Variants in MYRF observed in about 807,000 individuals in gnomAD.
MYRF encodes the protein myelin gene regulatory factor.
In MYRF, 16 loss-of-function variants were observed where a neutral mutation model predicts 126.3. That is an observed-to-expected ratio of 0.13 (90% CI 0.09 to 0.19). The LOEUF (loss-of-function observed/expected upper bound fraction) is 0.19, where lower values mean the gene tolerates loss of function less well. MYRF is among the 10% of genes least tolerant of loss of function. The pLI is 1.00. For synonymous variants in MYRF, 608 were observed against 635.3 expected, an observed-to-expected ratio of 0.96 and a Z score of 0.65; for missense variants, 1,104 against 1,547.0, an observed-to-expected ratio of 0.71 and a Z score of 4.80.
Position 61,757,098 on chromosome 11 carries a change from T to C in MYRF, c.46+4308T>C, listed in dbSNP as rs1197332641. On this transcript the variant is annotated intron_variant, in intron 1 of 26. Transcript: ENST00000278836. The surrounding 1 kb of genome is among the most constrained non-coding windows in gnomAD (Gnocchi z 4.7). ...CCTGCCTTACCTTCCCACCTTCCTC[T>C]TCACGGACCTAGCACCTTCCTGGGC... 13 of 444,720 alleles carry C rather than the reference T, an allele frequency of 2.9e-5. No individual in the cohort carries two copies. Among genetic ancestry groups the C allele is most frequent in the Non-Finnish European group, 5.5e-5 (12 of 217,552 alleles). The allele number at this position is 444,720 out of a possible 1,614,324, so 27.5% of individuals were successfully genotyped here. A position where few individuals can be genotyped will look rare whatever the true frequency, so the allele number is the denominator to read the frequency against.
At chr11:61,753,316 A>C (rs558909548) in intron 1 of MYRF, among the ~76,000 whole-genome samples, 1 of 145,844 alleles carries the variant, frequency 6.9e-6, no homozygotes, top group Non-Finnish European at 1.5e-5. Context: ...GCCATCCCCC[A>C]TGACTTCTAG....
At position 61,778,163 on chromosome 11, in the gene MYRF, G is replaced by A. The variant is rs575899953; in HGVS notation, c.1904-217G>A. Among the ~76,000 whole-genome samples the A allele has an allele frequency of 1.3e-4, 19 of 151,932 alleles. 1 individual carries two copies. Among genetic ancestry groups the A allele is most frequent in the Admixed American group, 3.9e-4 (6 of 15,270 alleles). On this transcript the variant is annotated intron_variant, in intron 13 of 26. Coordinates refer to ENST00000278836, the MANE Select transcript of MYRF (RefSeq NM_001127392.3). The surrounding 1 kb of genome is among the most constrained non-coding windows in gnomAD (Gnocchi z 4.6). ...CTGGGATCCTTACCCCCAGGAATCC[G>A]CCCCACCCCAGCCCAGGAACCTCAC...
chr11:61,762,858 C>T (rs981980747), intron 1 of MYRF, among the ~76,000 whole-genome samples: 1 of 152,204 alleles, frequency 6.6e-6, no homozygotes, highest in Non-Finnish European at 1.5e-5. Flanking sequence ...TCCCTCCTCC[C>T]GCCTCCTTCC....
chr11:61,780,979 A>T lies in MYRF; in HGVS notation c.2506A>T (p.Thr836Ser), dbSNP rs772485309. The change falls in exon 20 of 27, where the codon ACC (threonine) becomes TCC (serine). Residue 836 changes from threonine (T) to serine (S), a missense_variant. By Grantham distance (58) the Thr-to-Ser change is moderately conservative. Around this residue, in one of 10 missense-constraint regions of MYRF, gnomAD observed 323 missense variants for 383.1 expected, o/e 0.84. Transcript: ENST00000278836. ...LCPWSSQSFG[T>S]TQLRQSPLTT... is the part of the protein sequence containing the mutation. ...CAGCAGGTCCAGCCAGAGCTTTGGG[A>T]CCACGCAGCTCCGACAGTCCCCCTT... The T allele has an allele frequency of 6.2e-7, 1 of 1,609,952 alleles. No homozygotes were observed. Among genetic ancestry groups the T allele is most frequent in the East Asian group, 2.2e-5 (1 of 44,860 alleles).
In MYRF at chr11:61,781,049, C is replaced by G; in HGVS notation, c.2572+4C>G. 6.2e-7 allele frequency: 1 copy of G among 1,609,844 alleles called. No individual in the cohort carries two copies. Among genetic ancestry groups the G allele is most frequent in the Non-Finnish European group, 8.5e-7 (1 of 1,179,984 alleles). ...ATACAGCCCTCTTTGCTGCTGGGTGCGTGTCTGGGCAGGTCTGGGTAGGAC... is the reference window on the plus strand; with the variant it reads ...ATACAGCCCTCTTTGCTGCTGGGTGGGTGTCTGGGCAGGTCTGGGTAGGAC... On this transcript the variant is annotated splice_donor_region_variant and intron_variant, in intron 20 of 26. Transcript: ENST00000278836.
intron 4 of MYRF, 111 bp from the exon 5 acceptor site, chr11:61,770,135 G>T (rs933051275): frequency 9.0e-6 from 10 of 1,114,020 alleles, no homozygotes; most frequent in Non-Finnish European, 1.2e-5. Flanking sequence ...GGCAGCCCCC[G>T]GGCTTGGCTC....
chr11:61,758,746 C>T (rs550078755), intron 1 of MYRF, among the ~76,000 whole-genome samples: 3 of 152,348 alleles, frequency 2.0e-5, no homozygotes, highest in South Asian at 4.1e-4. Context: ...TTGCTGCTCT[C>T]GTCATCTGAC....
chr11:61,769,391 G>C, intron 4 of MYRF, 70 bp downstream of exon 4: 1 of 1,249,568 alleles, frequency 8.0e-7, no homozygotes. Context: ...TTATCAGGGA[G>C]GTAGGGGAGG....
At chr11:61,779,722 C>T (rs2066487320) in intron 16 of MYRF, 120 bp from the exon 17 acceptor site, 1 of 1,211,458 alleles carries the variant, frequency 8.3e-7, no homozygotes, top group African/African-American at 1.5e-5. Context: ...CTTTCTTCTC[C>T]CTTTGCCCCC....
At chr11:61,784,502 C>A (rs1482269252) in intron 25 of MYRF, 117 bp downstream of exon 25, 12 of 789,276 alleles carry the variant, frequency 1.5e-5, no homozygotes, top group Admixed American at 5.0e-5. Flanking sequence ...AAAGCCTTCT[C>A]CACAAGGGAC....
At chr11:61,767,426 A>C (rs749830970) in intron 3 of MYRF, 12 of 456,452 alleles carry the variant, frequency 2.6e-5, no homozygotes, top group Non-Finnish European at 5.3e-5. Context: ...TGGCACACTG[A>C]GGCTCAGAGA....
chr11:61,763,758 G>C (rs531398677), intron 1 of MYRF, among the ~76,000 whole-genome samples: 1 of 152,076 alleles, frequency 6.6e-6, no homozygotes, highest in Non-Finnish European at 1.5e-5. Context: ...TCAGCTACTC[G>C]GGAGGCTGAG....
At chr11:61,775,490 CTA>C (rs2066351971) in intron 8 of MYRF, among the ~76,000 whole-genome samples, 2 of 152,182 alleles carry the variant, frequency 1.3e-5, no homozygotes, top group African/African-American at 4.8e-5. Context: ...GATTTTGAGT[CTA>C]TGAGCTCCCT....
chr11:61,781,500 G>A, intron 21 of MYRF, 73 bp from the exon 22 acceptor site: 2 of 1,564,856 alleles, frequency 1.3e-6, no homozygotes, highest in Non-Finnish European at 1.7e-6. Flanking sequence ...TCAGTCTTGT[G>A]GGGCCCTAGA....
At position 61,757,091 on chromosome 11, in the gene MYRF, C is replaced by T. The variant is rs1262686603; in HGVS notation, c.46+4301C>T. 2.3e-6 allele frequency: 1 copy of T among 440,450 alleles called. No homozygotes were observed. Among genetic ancestry groups the T allele is most frequent in the Non-Finnish European group, 4.7e-6 (1 of 214,588 alleles). The allele number at this position is 440,450 out of a possible 1,614,324, so 27.3% of individuals were successfully genotyped here. A position where few individuals can be genotyped will look rare whatever the true frequency, so the allele number is the denominator to read the frequency against. On this transcript the variant is annotated intron_variant, in intron 1 of 26. Coordinates refer to ENST00000278836, the MANE Select transcript of MYRF (RefSeq NM_001127392.3). This position sits in a 1 kb window ranked among gnomAD's most constrained non-coding sequence, Gnocchi z 4.7. ...CAGGCAGCCTGCCTTACCTTCCCAC[C>T]TTCCTCTTCACGGACCTAGCACCTT...
chr11:61,785,470 T>C (rs1399856363), intron 25 of MYRF: 3 of 290,644 alleles, frequency 1.0e-5, no homozygotes, highest in Non-Finnish European at 1.9e-5. Flanking sequence ...ACTGTGTCAC[T>C]GGATTGTACT....
At chr11:61,765,565 G>A (rs2066032524) in intron 1 of MYRF, 60 bp from the exon 2 acceptor site, 7 of 1,422,510 alleles carry the variant, frequency 4.9e-6, no homozygotes, top group Non-Finnish European at 6.8e-6. Flanking sequence ...GCTGGGCCCT[G>A]AAGCCCAGGG....
Position 61,777,009 on chromosome 11 carries a change from G to A in MYRF, c.1590+132G>A. 1.1e-6 allele frequency: 1 copy of A among 888,182 alleles called. No homozygotes were observed. Among genetic ancestry groups the A allele is most frequent in the South Asian group, 1.7e-5 (1 of 59,534 alleles). The allele number at this position is 888,182 out of a possible 1,614,324, so 55.0% of individuals were successfully genotyped here. A position where few individuals can be genotyped will look rare whatever the true frequency, so the allele number is the denominator to read the frequency against. ...TGCTAGGCACTGGCTGTGTGGCCTT[G>A]GGCAAAGCTCCCACCCTCTCTGGGC... On this transcript the variant is annotated intron_variant, in intron 11 of 26. Transcript: ENST00000278836. This position sits in a 1 kb window ranked among gnomAD's most constrained non-coding sequence, Gnocchi z 8.8.
Position 61,777,607 on chromosome 11 carries a change from T to G in MYRF, c.1792-127T>G. The G allele has an allele frequency of 7.6e-7, 1 of 1,320,888 alleles. No individual in the cohort carries two copies. The highest frequency in any genetic ancestry group is 1.0e-6 in the Non-Finnish European group (1 of 955,334). 81.8% of individuals were successfully genotyped at this position (1,320,888 alleles called of 1,614,324 possible). A position where few individuals can be genotyped will look rare whatever the true frequency, so the allele number is the denominator to read the frequency against. On this transcript the variant is annotated intron_variant, in intron 12 of 26. Transcript: ENST00000278836. The surrounding 1 kb of genome is among the most constrained non-coding windows in gnomAD (Gnocchi z 8.8). ...GAGGGAGGCTGGCCTCGAATCCCGA[T>G]CTAACCACTCCAGTGGTGGGGTCTC...
Sources: gnomAD v4.1 joint callset for allele counts (sites outside exome capture counted in the v4.1 genomes callset) on GRCh38, gnomAD v4.1.1 for gene constraint, gnomAD v4.1.1 regional missense constraint, Gnocchi (gnomAD v3.1) non-coding constraint, MANE v1.5 for transcripts, NCBI Gene and HGNC (gene_info 2026-07-23, HGNC 2026-07-21) for gene names.